FRMD4A: variants seen among roughly 807,000 people sequenced by gnomAD.
FRMD4A encodes FERM domain-containing protein 4A.
A neutral mutation model predicts 129.1 loss-of-function variants in FRMD4A; 29 were observed. That is an observed-to-expected ratio of 0.22 (90% CI 0.17 to 0.31). The LOEUF (loss-of-function observed/expected upper bound fraction) is 0.31, where lower values mean the gene tolerates loss of function less well. Ranked by LOEUF, FRMD4A falls within the 10% of genes least tolerant of loss-of-function variation. The pLI, the probability that FRMD4A is intolerant of heterozygous loss-of-function variation, is 1.00. For missense variants in FRMD4A, 1,272 were observed against 1,375.8 expected (o/e 0.92, Z 1.19); for synonymous variants, 634 against 571.6 (o/e 1.11, Z -1.56).
intron 17 of FRMD4A, among the ~76,000 whole-genome samples, chr10:13,669,213 C>G (rs1185112850): frequency 2.6e-5 from 4 of 152,102 alleles, no homozygotes; most frequent in East Asian, 3.8e-4. Flanking sequence ...GCATACACCA[C>G]CATGCCTGGC....
chr10:14,045,276 G>T (rs1009379526), intron 2 of FRMD4A, among the ~76,000 whole-genome samples: 16 of 152,100 alleles, frequency 1.1e-4, no homozygotes, highest in East Asian at 3.8e-4. Context: ...GCACACCTTT[G>T]CCTTTCCACC....
At chr10:14,164,426 T>C (rs1841066113) in intron 2 of FRMD4A, among the ~76,000 whole-genome samples, 1 of 152,136 alleles carries the variant, frequency 6.6e-6, no homozygotes, top group African/African-American at 2.4e-5. Context: ...CGGAAGCTGG[T>C]TTGTGCGGTG....
At chr10:14,330,311 A>G (rs903112422) in intron 1 of FRMD4A, 128 bp from the exon 2 acceptor site, 14 of 539,676 alleles carry the variant, frequency 2.6e-5, no homozygotes, top group Admixed American at 2.2e-4. Flanking sequence ...AGGGAGGAAA[A>G]AAAAAAAAAG....
intron 5 of FRMD4A, among the ~76,000 whole-genome samples, chr10:13,793,447 A>G (rs1293442659): frequency 1.3e-5 from 2 of 152,016 alleles, no homozygotes; most frequent in Non-Finnish European, 2.9e-5. Context: ...ACAGGCATGA[A>G]CCACCATGCC....
At chr10:13,887,835 T>C (rs1218990073) in intron 2 of FRMD4A, among the ~76,000 whole-genome samples, 1 of 152,196 alleles carries the variant, frequency 6.6e-6, no homozygotes. Flanking sequence ...CCACTGGTGG[T>C]AGAGCTGGTT....
At chr10:13,725,742 AC>A (rs1374431559) in intron 12 of FRMD4A, among the ~76,000 whole-genome samples, 1 of 152,108 alleles carries the variant, frequency 6.6e-6, no homozygotes, top group Non-Finnish European at 1.5e-5. Context: ...CAAAAAAATA[AC>A]CCTCTTCACA....
At chr10:13,849,482 ATTT>A (rs143466300) in intron 3 of FRMD4A, among the ~76,000 whole-genome samples, 183 of 141,794 alleles carry the variant, frequency 1.3e-3, no homozygotes, top group South Asian at 3.6e-3. Flanking sequence ...AATCTCCTGC[ATTT>A]TTTTTTTTTT....
chr10:14,122,643 T>G (rs1838595149), intron 2 of FRMD4A, among the ~76,000 whole-genome samples: 1 of 151,894 alleles, frequency 6.6e-6, no homozygotes, highest in Non-Finnish European at 1.5e-5. Context: ...TTTAAATGAT[T>G]AGTTCTCGCG....
At chr10:13,987,381 T>G (rs2131417188) in intron 2 of FRMD4A, among the ~76,000 whole-genome samples, 1 of 152,272 alleles carries the variant, frequency 6.6e-6, no homozygotes. Context: ...AAAAGAAATA[T>G]TTTGTTTAAA....
chr10:13,739,835 C>T (rs1454612950), intron 11 of FRMD4A, among the ~76,000 whole-genome samples: 1 of 152,254 alleles, frequency 6.6e-6, no homozygotes. Flanking sequence ...CGCGGTGGCT[C>T]ACGCCTATAA....
intron 2 of FRMD4A, among the ~76,000 whole-genome samples, chr10:14,005,779 T>A (rs1473455437): frequency 6.6e-6 from 1 of 152,146 alleles, no homozygotes; most frequent in South Asian, 2.1e-4. Flanking sequence ...TATATTCCCA[T>A]AAAGAAGATT....
intron 3 of FRMD4A, among the ~76,000 whole-genome samples, chr10:13,837,508 G>T (rs1206182191): frequency 2.6e-5 from 4 of 152,318 alleles, no homozygotes; most frequent in Non-Finnish European, 5.9e-5. Context: ...TGGCAGTGGG[G>T]AGACTACAGC....
At chr10:14,185,801 G>A (rs1842120110) in intron 2 of FRMD4A, among the ~76,000 whole-genome samples, 2 of 152,252 alleles carry the variant, frequency 1.3e-5, no homozygotes, top group East Asian at 1.9e-4. Context: ...ACTAGTCCTG[G>A]GCGGAATAGG....
chr10:13,789,558 CCACACACACA>C (rs3220780), intron 5 of FRMD4A, among the ~76,000 whole-genome samples: 3 of 144,794 alleles, frequency 2.1e-5, no homozygotes, highest in South Asian at 2.3e-4. Flanking sequence ...TATGAAAAGA[CCACACACACA>C]CACACACACA....
At chr10:14,004,840 C>A (rs1341876380) in intron 2 of FRMD4A, among the ~76,000 whole-genome samples, 1 of 152,020 alleles carries the variant, frequency 6.6e-6, no homozygotes, top group Non-Finnish European at 1.5e-5. Context: ...AATAGACAAG[C>A]CTCACTCTTG....
At chr10:14,316,974 T>A (rs568676522) in intron 2 of FRMD4A, among the ~76,000 whole-genome samples, 22 of 152,322 alleles carry the variant, frequency 1.4e-4, no homozygotes, top group South Asian at 1.2e-3. Context: ...GAATCCACAC[T>A]CTCTCCCATT....
intron 2 of FRMD4A, among the ~76,000 whole-genome samples, chr10:14,033,757 C>G (rs139011850): frequency 7.0e-6 from 1 of 143,634 alleles, no homozygotes; most frequent in Non-Finnish European, 1.5e-5. Flanking sequence ...TGCCCTCCAG[C>G]CTGAGCAACA....
chr10:14,329,214 G>T (rs554913377), intron 2 of FRMD4A, among the ~76,000 whole-genome samples: 55 of 152,266 alleles, frequency 3.6e-4, no homozygotes, highest in Admixed American at 3.3e-3. Context: ...CTGTGTAAAT[G>T]CTGGAAACAT....
At chr10:14,231,798 T>G (rs1428656544) in intron 2 of FRMD4A, among the ~76,000 whole-genome samples, 1 of 152,234 alleles carries the variant, frequency 6.6e-6, no homozygotes, top group Non-Finnish European at 1.5e-5. Context: ...CTTGTTGATT[T>G]CTTTACATTT....
Sources: allele counts gnomAD v4.1 joint callset (sites outside exome capture counted in the v4.1 genomes callset), GRCh38; gene constraint gnomAD v4.1.1; transcripts MANE v1.5; gene names NCBI Gene and HGNC (gene_info 2026-07-23, HGNC 2026-07-21).